TTBK2: variants seen among roughly 807,000 people sequenced by gnomAD.
TTBK2 encodes tau-tubulin kinase 2.
Under a neutral mutation model 110.8 loss-of-function variants are expected in TTBK2, and 28 were observed. The ratio of observed to expected loss-of-function variants is 0.25; its 90% CI spans 0.19 to 0.35. TTBK2 has a LOEUF of 0.35. TTBK2 is among the 10% of genes least tolerant of loss of function. The probability of loss-of-function intolerance (pLI) is 1.00; values close to 1 mark genes in which losing one functional copy is unlikely to be tolerated. For synonymous variants in TTBK2, 532 were observed against 527.3 expected (o/e 1.01, Z -0.12); for missense variants, 1,369 against 1,500.3 (o/e 0.91, Z 1.45).
chr15:42,804,269 A>G (rs1891357107), intron 9 of TTBK2, among the ~76,000 whole-genome samples: 1 of 151,970 alleles, frequency 6.6e-6, no homozygotes, highest in African/African-American at 2.4e-5. Flanking sequence ...ACATGGTGAA[A>G]CCCCATGTCT....
chr15:42,869,414 A>G (rs1199849557), intron 3 of TTBK2, among the ~76,000 whole-genome samples: 1 of 151,882 alleles, frequency 6.6e-6, no homozygotes, highest in Non-Finnish European at 1.5e-5. Context: ...AAAAAGAAAA[A>G]AAAAAAAACC....
At chr15:42,835,284 GACA>G (rs1315540745) in intron 4 of TTBK2, among the ~76,000 whole-genome samples, 1 of 152,250 alleles carries the variant, frequency 6.6e-6, no homozygotes, top group Non-Finnish European at 1.5e-5. Context: ...CTGAAAGACA[GACA>G]ACCAGATACT....
At chr15:42,883,703 A>C (rs916681761) in intron 1 of TTBK2, among the ~76,000 whole-genome samples, 1 of 152,094 alleles carries the variant, frequency 6.6e-6, no homozygotes, top group African/African-American at 2.4e-5. Context: ...GACAAACATA[A>C]AACAAATAAT....
chr15:42,906,148 A>G (rs942122267), intron 1 of TTBK2, among the ~76,000 whole-genome samples: 1 of 151,940 alleles, frequency 6.6e-6, no homozygotes, highest in African/African-American at 2.4e-5. Context: ...GGATCACACC[A>G]TTGCACTTCA....
chr15:42,805,109 C>G (rs952970484), intron 9 of TTBK2, among the ~76,000 whole-genome samples: 2 of 152,168 alleles, frequency 1.3e-5, no homozygotes, highest in Non-Finnish European at 2.9e-5. Context: ...ACATTGACTG[C>G]CTACTGTCCT....
intron 13 of TTBK2, among the ~76,000 whole-genome samples, chr15:42,773,451 G>T (rs992699614): frequency 1.1e-4 from 17 of 150,786 alleles, no homozygotes; most frequent in Admixed American, 6.6e-5. Context: ...AAGAAAGAAA[G>T]AAAGAAAGAA....
intron 1 of TTBK2, among the ~76,000 whole-genome samples, chr15:42,900,059 T>C (rs1027300138): frequency 6.6e-6 from 1 of 151,676 alleles, no homozygotes; most frequent in Non-Finnish European, 1.5e-5. Context: ...AATGGCATGA[T>C]CTCGGCTCAC....
At chr15:42,783,786 G>A (rs924744261) in intron 10 of TTBK2, 151 bp from the exon 11 acceptor site, 12 of 713,574 alleles carry the variant, frequency 1.7e-5, no homozygotes, top group Middle Eastern at 4.0e-4. Context: ...GGTTGGCCGG[G>A]CATGGTGGCT....
At chr15:42,781,732 T>G (rs1890187587) in intron 11 of TTBK2, among the ~76,000 whole-genome samples, 1 of 152,176 alleles carries the variant, frequency 6.6e-6, no homozygotes. Flanking sequence ...ACTCCAATAT[T>G]TTTAGAGAAC....
At chr15:42,887,624 A>G (rs1028015212) in intron 1 of TTBK2, among the ~76,000 whole-genome samples, 7 of 152,188 alleles carry the variant, frequency 4.6e-5, no homozygotes, top group African/African-American at 1.7e-4. Flanking sequence ...GCGCCTTATC[A>G]ACCAAATTGT....
At chr15:42,769,209 T>C (rs1403778970) in intron 13 of TTBK2, among the ~76,000 whole-genome samples, 1 of 152,168 alleles carries the variant, frequency 6.6e-6, no homozygotes, top group African/African-American at 2.4e-5. Flanking sequence ...GGGCAAGGAC[T>C]TCACGACTAA....
Position 42,794,686 on chromosome 15 carries a change from G to A in TTBK2, c.938C>T (p.Thr313Ile). The change falls in exon 10 of 15, where the codon ACC (threonine) becomes ATC (isoleucine). Residue 313 changes from threonine (T) to isoleucine (I), a missense_variant. By Grantham distance (89) the Thr-to-Ile change is moderately conservative. This residue lies in a region of TTBK2 where 1,097 missense variants were observed against 1,114.7 expected (regional missense o/e 0.98). Transcript: ENST00000267890. ...CAAGCGAGTGTGCAACTGAGGGGTGGTAGAAGTAGTGGTGGTTGTTAGGGA... is the reference window on the plus strand; with the variant it reads ...CAAGCGAGTGTGCAACTGAGGGGTGATAGAAGTAGTGGTGGTTGTTAGGGA... ...DGSLTTTTTS[T>I]TPQLHTRLTP... 1 of 1,614,126 alleles carries A rather than the reference G, an allele frequency of 6.2e-7. No individual in the cohort carries two copies. The highest frequency in any genetic ancestry group is 8.5e-7 in the Non-Finnish European group (1 of 1,180,040).
intron 13 of TTBK2, among the ~76,000 whole-genome samples, chr15:42,774,258 T>C (rs1198037542): frequency 2.0e-5 from 3 of 152,214 alleles, no homozygotes; most frequent in African/African-American, 7.2e-5. Flanking sequence ...TTATGGAATT[T>C]AAGGAAACCT....
intron 3 of TTBK2, among the ~76,000 whole-genome samples, chr15:42,863,535 C>T (rs1185895735): frequency 6.6e-6 from 1 of 152,080 alleles, no homozygotes; most frequent in Non-Finnish European, 1.5e-5. Context: ...CTACTCCTAT[C>T]AAACTACCAA....
intron 3 of TTBK2, among the ~76,000 whole-genome samples, chr15:42,843,660 G>A (rs930307787): frequency 6.6e-6 from 1 of 150,476 alleles, no homozygotes; most frequent in African/African-American, 2.5e-5. Context: ...TCAAGAGGCC[G>A]AGGCAGAAGA....
At chr15:42,768,061 A>G (rs1889471150) in intron 13 of TTBK2, among the ~76,000 whole-genome samples, 1 of 152,246 alleles carries the variant, frequency 6.6e-6, no homozygotes, top group South Asian at 2.1e-4. Context: ...AAAATTCAAC[A>G]GCCCTTCGTG....
At chr15:42,825,942 C>A (rs1892516106) in intron 6 of TTBK2, among the ~76,000 whole-genome samples, 1 of 152,002 alleles carries the variant, frequency 6.6e-6, no homozygotes, top group Non-Finnish European at 1.5e-5. Context: ...CATGCCATTT[C>A]TTAACCTAGA....
intron 3 of TTBK2, among the ~76,000 whole-genome samples, chr15:42,860,177 G>C (rs1027575431): frequency 6.6e-6 from 1 of 151,970 alleles, no homozygotes; most frequent in African/African-American, 2.4e-5. Context: ...GTAACTATAT[G>C]AATCAATGAC....
chr15:42,763,117 T>TACAC (rs527717082), intron 13 of TTBK2, among the ~76,000 whole-genome samples: 31 of 108,126 alleles, frequency 2.9e-4, no homozygotes, highest in African/African-American at 1.4e-3. Context: ...TATATATATA[T>TACAC]ACACATATAT....
Sources: gnomAD v4.1 joint callset for allele counts (sites outside exome capture counted in the v4.1 genomes callset) on GRCh38, gnomAD v4.1.1 for gene constraint, gnomAD v4.1.1 regional missense constraint, MANE v1.5 for transcripts, NCBI Gene and HGNC (gene_info 2026-07-23, HGNC 2026-07-21) for gene names.